The following ANK3 variants were observed in gnomAD, a reference collection of about 807,000 sequenced individuals.
The protein encoded by ANK3 is ankyrin-3.
In ANK3, 57 loss-of-function variants were observed where a neutral mutation model predicts 370.9. The observed-to-expected ratio is 0.15, with a 90% CI of 0.12 to 0.19. The LOEUF is 0.19. ANK3 is among the 10% of genes least tolerant of loss of function. The pLI is 1.00. For missense variants in ANK3, 4,439 were observed against 5,302.1 expected (o/e 0.84, Z 5.06); for synonymous variants, 1,929 against 1,946.3 (o/e 0.99, Z 0.23).
intron 25 of ANK3, among the ~76,000 whole-genome samples, chr10:60,116,454 A>C (rs189214310): frequency 9.8e-4 from 149 of 152,330 alleles, no homozygotes; most frequent in African/African-American, 3.5e-3. Flanking sequence ...TCCAGTATAA[A>C]AACAAAACAA....
intron 1 of ANK3, among the ~76,000 whole-genome samples, chr10:60,347,078 A>G (rs1594229201): frequency 6.7e-6 from 1 of 148,612 alleles, no homozygotes; most frequent in Non-Finnish European, 1.5e-5. Flanking sequence ...TATATATTGC[A>G]TTAGTACTAC....
chr10:60,125,301 AAAG>A (rs1356525346), intron 25 of ANK3, among the ~76,000 whole-genome samples: 2 of 152,210 alleles, frequency 1.3e-5, no homozygotes, highest in Non-Finnish European at 2.9e-5. Flanking sequence ...AACTCGAACA[AAAG>A]AAGGTGAATC....
At chr10:60,389,907 A>G, upstream of ANK3, 1 of 966,336 alleles carries the variant, frequency 1.0e-6, no homozygotes, top group Non-Finnish European at 1.2e-6. Flanking sequence ...GCTGCAAAGG[A>G]TGCTTCTCCA....
chr10:60,499,958 T>C (rs1268726999), intron 2 of ANK3, among the ~76,000 whole-genome samples: 3 of 152,296 alleles, frequency 2.0e-5, no homozygotes, highest in South Asian at 2.1e-4. Context: ...AAATAACTGC[T>C]TAAATATTTA....
chr10:60,605,097 T>C (rs1169422484), intron 2 of ANK3, among the ~76,000 whole-genome samples: 1 of 152,178 alleles, frequency 6.6e-6, no homozygotes, highest in African/African-American at 2.4e-5. Flanking sequence ...TTCAAGTCCC[T>C]AAAATGGGCA....
chr10:60,703,571 T>C (rs1465365243), intron 1 of ANK3, among the ~76,000 whole-genome samples: 2 of 152,332 alleles, frequency 1.3e-5, no homozygotes, highest in South Asian at 2.1e-4. Flanking sequence ...TTGATGACTA[T>C]TTCCTGGATA....
At position 60,082,067 on chromosome 10, in the gene ANK3, C is replaced by A. The variant is rs912526103; in HGVS notation, c.4350+83G>T. ...AAATATAATTTATATGTTTCCCACA[C>A]TTTAGCCCTCTGCAACTTCTGTCAT... On this transcript the variant is annotated intron_variant, in intron 35 of 43. Transcript: ENST00000280772. The A allele has an allele frequency of 4.6e-6, 5 of 1,092,298 alleles. No homozygotes were observed. The African/African-American group carries it at 6.3e-5, about 14-fold the overall frequency. 67.7% of individuals were successfully genotyped at this position (1,092,298 alleles called of 1,614,324 possible).
chr10:60,559,665 T>A lies in ANK3; in HGVS notation c.96+55521A>T, dbSNP rs2077289887. ...ATATGTGATTCCATTCTCTGCTCTT[T>A]CCAGGTCACCGTGCAGAGTATTTTT... is the stretch of plus-strand genomic sequence containing the variant. On this transcript the variant is annotated intron_variant, in intron 2 of 43. Coordinates refer to the ANK3 transcript ENST00000373827. Among the ~76,000 whole-genome samples, 4 of 152,164 alleles carry A rather than the reference T, an allele frequency of 2.6e-5. No homozygotes were observed. The South Asian group carries it at 8.3e-4, about 32-fold the overall frequency.
In ANK3 at chr10:60,055,651, G is replaced by A; in HGVS notation, c.13065+7C>T. The A allele has an allele frequency of 1.3e-6, 2 of 1,596,612 alleles. No homozygotes were observed. Among genetic ancestry groups the A allele is most frequent in the African/African-American group, 1.4e-5 (1 of 73,830 alleles). ...AATGACTGCTACCGGATGACCAGAT[G>A]ACGTACCTTTTGCTCAGACCCACTG... On this transcript the variant is annotated splice_region_variant and intron_variant, in intron 42 of 43. Coordinates refer to ENST00000280772, the MANE Select transcript of ANK3 (RefSeq NM_020987.5).
intron 1 of ANK3, among the ~76,000 whole-genome samples, chr10:60,354,811 A>T (rs1389601537): frequency 2.0e-5 from 3 of 152,204 alleles, no homozygotes; most frequent in African/African-American, 7.2e-5. Flanking sequence ...GTGGAATGTT[A>T]TTATAATACA....
At chr10:60,262,007 C>A in intron 6 of ANK3, 50 bp from the exon 7 acceptor site, 1 of 1,478,840 alleles carries the variant, frequency 6.8e-7, no homozygotes, top group Non-Finnish European at 9.4e-7. Context: ...CAGCCCCCTG[C>A]CTGACAGGCA....
intron 23 of ANK3, chr10:60,141,086 G>C: frequency 4.3e-6 from 4 of 939,506 alleles, no homozygotes; most frequent in Non-Finnish European, 5.1e-6. Flanking sequence ...AGAGAGGGAG[G>C]GCCTGCCCTT....
intron 5 of ANK3, 121 bp from the exon 6 acceptor site, chr10:60,264,141 A>G (rs1364144203): frequency 5.2e-6 from 4 of 773,946 alleles, no homozygotes; most frequent in African/African-American, 1.7e-5. Context: ...TATTAAAACT[A>G]ACAACATATT....
At chr10:60,387,648 G>C (rs747045850) in intron 1 of ANK3, among the ~76,000 whole-genome samples, 2 of 152,142 alleles carry the variant, frequency 1.3e-5, no homozygotes, top group Non-Finnish European at 2.9e-5. Flanking sequence ...TTACAATAGC[G>C]ATATTGATAT....
intron 20 of ANK3, 98 bp from the exon 21 acceptor site, chr10:60,172,501 C>A: frequency 1.1e-6 from 1 of 900,598 alleles, no homozygotes; most frequent in Non-Finnish European, 1.8e-6. Flanking sequence ...CAGACCCATC[C>A]CACTGTCATA....
chr10:60,382,797 CTATA>C (rs5785442), intron 1 of ANK3, among the ~76,000 whole-genome samples: 58,054 of 133,576 alleles, frequency 0.43, 12,987 homozygotes, highest in Middle Eastern at 0.58. Context: ...ATACCTAAAT[CTATA>C]TATATATATA....
intron 1 of ANK3, among the ~76,000 whole-genome samples, chr10:60,638,552 T>A: frequency 6.6e-6 from 1 of 151,366 alleles, no homozygotes; most frequent in African/African-American, 2.4e-5. Flanking sequence ...AAAAAATCCA[T>A]CAAAACAGAA....
chr10:60,152,228 G>A (rs1590901398), intron 23 of ANK3, among the ~76,000 whole-genome samples: 4 of 152,140 alleles, frequency 2.6e-5, no homozygotes, highest in African/African-American at 4.8e-5. Flanking sequence ...ACCATGAGTT[G>A]GCAAACTACA....
intron 11 of ANK3, among the ~76,000 whole-genome samples, chr10:60,204,477 T>C (rs1413442273): frequency 6.6e-6 from 1 of 152,208 alleles, no homozygotes; most frequent in Non-Finnish European, 1.5e-5. Context: ...AGCCTGACAA[T>C]ATGGCAAATC....
Sources: gnomAD v4.1 joint callset for allele counts (sites outside exome capture counted in the v4.1 genomes callset) on GRCh38, gnomAD v4.1.1 for gene constraint, MANE v1.5 for transcripts, NCBI Gene and HGNC (gene_info 2026-07-23, HGNC 2026-07-21) for gene names.